The following KRT3 variants were observed in gnomAD, a reference collection of about 807,000 sequenced individuals.
KRT3 encodes keratin, type II cytoskeletal 3.
In KRT3, 34 loss-of-function variants were observed where a neutral mutation model predicts 45.8. The observed-to-expected ratio is 0.74, with a 90% confidence interval of 0.57 to 0.99. KRT3 has a LOEUF of 0.99. Ranked by LOEUF, KRT3 falls within the 50% of genes least tolerant of loss-of-function variation. KRT3 has a pLI of 0.00. For synonymous variants in KRT3, 367 were observed against 329.0 expected, an observed-to-expected ratio of 1.12 and a Z score of -1.25; for missense variants, 828 against 820.6, an observed-to-expected ratio of 1.01 and a Z score of -0.11.
At position 52,795,674 on chromosome 12, in the gene KRT3, A is replaced by ACCAGCT. The variant is rs753369040; in HGVS notation, c.363_368dup (p.Ala122_Gly123dup). On this transcript the variant is annotated inframe_insertion, in exon 1 of 9. Coordinates refer to ENST00000417996, the MANE Select transcript of KRT3 (RefSeq NM_057088.3). ...CAAAGCCACCAGCCCCTCCAAAGCCACCAGCTCCACCAAAGCCACCTCCCA... is the reference window on the plus strand; with the variant it reads ...CAAAGCCACCAGCCCCTCCAAAGCCACCAGCTCCAGCTCCACCAAAGCCACCTCCCA... 4 of 1,607,458 alleles carry ACCAGCT rather than the reference A, an allele frequency of 2.5e-6. No homozygotes were observed. The highest frequency in any genetic ancestry group is 3.4e-6 in the Non-Finnish European group (4 of 1,177,982).
chr12:52,793,289 G>A, intron 2 of KRT3, 66 bp from the exon 3 acceptor site: 1 of 1,131,556 alleles, frequency 8.8e-7, no homozygotes, highest in African/African-American at 1.5e-5. Flanking sequence ...ATTGTTCCCT[G>A]GAACTCTGAA....
At chr12:52,794,649 A>G (rs1179347650) in intron 1 of KRT3, among the ~76,000 whole-genome samples, 1 of 152,172 alleles carries the variant, frequency 6.6e-6, no homozygotes, top group Non-Finnish European at 1.5e-5. Context: ...AGTACACTCT[A>G]CAAAAATGCA....
intron 4 of KRT3, 138 bp downstream of exon 4, chr12:52,792,573 G>A: frequency 4.2e-6 from 4 of 958,346 alleles, no homozygotes; most frequent in East Asian, 4.8e-5. Flanking sequence ...AGCTTATCCT[G>A]TGGAATCCCT....
intron 8 of KRT3, 100 bp downstream of exon 8, chr12:52,790,737 CA>C: frequency 1.8e-6 from 2 of 1,114,092 alleles, no homozygotes; most frequent in Non-Finnish European, 2.7e-6. Flanking sequence ...AAAACCCCTC[CA>C]ACTTCCGTAA....
At chr12:52,791,069 G>T in intron 7 of KRT3, 137 bp downstream of exon 7, 1 of 1,402,800 alleles carries the variant, frequency 7.1e-7, no homozygotes, top group Non-Finnish European at 9.8e-7. Context: ...GAGGGAGTGG[G>T]CTGGTAGAGG....
chr12:52,792,916 G>C (rs1939558573), intron 3 of KRT3, 110 bp from the exon 4 acceptor site: 1 of 779,782 alleles, frequency 1.3e-6, no homozygotes. Context: ...CCTTGTCTAA[G>C]ACCAGTCTCC....
Position 52,794,291 on chromosome 12 carries a change from T to G in KRT3, c.686A>C (p.Lys229Thr). ...LEQQNKVLET[K>T]WNLLQQQGTS... ...GCCCTGCTGCTGGAGCAGGTTCCACTTGGTCTCCAGGACTTTGTTCTGTTG... is the reference window on the plus strand; with the variant it reads ...GCCCTGCTGCTGGAGCAGGTTCCACGTGGTCTCCAGGACTTTGTTCTGTTG... The change falls in exon 2 of 9, where the codon AAG becomes ACG. Residue 229 changes from lysine to threonine, a missense_variant. Lys to Thr is a moderately conservative substitution (Grantham distance 78, BLOSUM62 -1). Transcript: ENST00000417996. The G allele has an allele frequency of 6.2e-7, 1 of 1,614,188 alleles. No individual in the cohort carries two copies. The highest frequency in any genetic ancestry group is 8.5e-7 in the Non-Finnish European group (1 of 1,180,034).
chr12:52,795,121 C>A (rs1354064882), intron 1 of KRT3, among the ~76,000 whole-genome samples: 1 of 152,156 alleles, frequency 6.6e-6, no homozygotes, highest in Non-Finnish European at 1.5e-5. Context: ...CAGCCTGGGC[C>A]TCAATGAGGC....
Position 52,790,172 on chromosome 12 carries a change from C to CCACCGCTGAAACCGCTGCTGT in KRT3, c.1756_1757insACAGCAGCGGTTTCAGCGGTG (p.Gly585_Gly586insAspSerSerGlyPheSerGly). On this transcript the variant is annotated inframe_insertion, in exon 9 of 9. Coordinates refer to ENST00000417996, the MANE Select transcript of KRT3 (RefSeq NM_057088.3). ...GCCAGAGATGGAGCCAAAGCCGCTG[C>CCACCGCTGAAACCGCTGCTGT]CACCGCTGAAACCGCTGCTGCCGCC... 6.5e-7 allele frequency: 1 copy of CCACCGCTGAAACCGCTGCTGT among 1,548,434 alleles called. No homozygotes were observed. Among genetic ancestry groups the CCACCGCTGAAACCGCTGCTGT allele is most frequent in the Non-Finnish European group, 8.7e-7 (1 of 1,146,838 alleles).
At chr12:52,791,853 CT>C (rs766879502) in intron 5 of KRT3, 37 bp from the exon 6 acceptor site, 9 of 1,596,178 alleles carry the variant, frequency 5.6e-6, no homozygotes, top group Non-Finnish European at 7.7e-6. Context: ...ATTCCTGCAG[CT>C]TTGCTTGACT....
At position 52,789,716 on chromosome 12, in the gene KRT3, C is replaced by A; in HGVS notation, c.*326G>T. 1 of 506,446 alleles carries A rather than the reference C, an allele frequency of 2.0e-6. No homozygotes were observed. Among genetic ancestry groups the A allele is most frequent in the South Asian group, 2.6e-5 (1 of 38,894 alleles). The allele number at this position is 506,446 out of a possible 1,614,324, so 31.4% of individuals were successfully genotyped here. A position where few individuals can be genotyped will look rare whatever the true frequency, so the allele number is the denominator to read the frequency against. ...ACAGTGCACTTTATTGGCGACAGACCGGAGGGGCGGAGGGGGCTGTGTGCT... is the reference window on the plus strand; with the variant it reads ...ACAGTGCACTTTATTGGCGACAGACAGGAGGGGCGGAGGGGGCTGTGTGCT... On this transcript the variant is annotated 3_prime_UTR_variant, in exon 9 of 9. Transcript: ENST00000417996.
chr12:52,793,015 A>G, intron 3 of KRT3, 148 bp downstream of exon 3: 1 of 679,634 alleles, frequency 1.5e-6, no homozygotes, highest in Non-Finnish European at 2.6e-6. Flanking sequence ...TCTTTTAGGG[A>G]TCTTCCAGAC....
At position 52,790,232 on chromosome 12, in the gene KRT3, C is replaced by A; in HGVS notation, c.1697G>T (p.Arg566Leu). The change falls in exon 9 of 9, where the codon CGG becomes CTG. Residue 566 changes from arginine to leucine, a missense_variant. Transcript: ENST00000417996. ...AGGGSGSGFG[R>L]GGGGGIGGGF... ...ACCGCCGATTCCACCGCCGCCTCCC[C>A]GGCCAAAGCCACTGCCTGAGCCGCC... 2 of 1,550,158 alleles carry A rather than the reference C, an allele frequency of 1.3e-6. No individual in the cohort carries two copies. Among genetic ancestry groups the A allele is most frequent in the South Asian group, 1.2e-5 (1 of 84,024 alleles).
chr12:52,789,988 G>A lies in KRT3; in HGVS notation c.*54C>T. Reference sequence around the variant, plus strand: ...CGCTGGGGGTGTTGCCAATATGGGGGCGTGGGGAGCGGAGGGGAGGCGCTG... The same window carrying A: ...CGCTGGGGGTGTTGCCAATATGGGGACGTGGGGAGCGGAGGGGAGGCGCTG... On this transcript the variant is annotated 3_prime_UTR_variant, in exon 9 of 9. Transcript: ENST00000417996. 1 of 1,500,492 alleles carries A rather than the reference G, an allele frequency of 6.7e-7. No individual in the cohort carries two copies. Among genetic ancestry groups the A allele is most frequent in the Non-Finnish European group, 9.0e-7 (1 of 1,113,428 alleles). 92.9% of individuals were successfully genotyped at this position (1,500,492 alleles called of 1,614,324 possible). A position where few individuals can be genotyped will look rare whatever the true frequency, so the allele number is the denominator to read the frequency against.
At chr12:52,792,877 A>G in intron 3 of KRT3, 71 bp from the exon 4 acceptor site, 2 of 1,009,378 alleles carry the variant, frequency 2.0e-6, no homozygotes, top group Non-Finnish European at 3.1e-6. Context: ...GCAGCAAGAA[A>G]GAGCAGAGGG....
At position 52,791,266 on chromosome 12, in the gene KRT3, T is replaced by C. The variant is rs368503459; in HGVS notation, c.1475A>G (p.Lys492Arg). The C allele has an allele frequency of 1.9e-6, 3 of 1,614,226 alleles. No individual in the cohort carries two copies. Among genetic ancestry groups the C allele is most frequent in the Non-Finnish European group, 2.5e-6 (3 of 1,180,034 alleles). Residue 492 changes from lysine to arginine, a missense_variant, in exon 7 of 9, where the codon AAG becomes AGG. Coordinates refer to ENST00000417996, the MANE Select transcript of KRT3 (RefSeq NM_057088.3). ...LRDYQELMNV[K>R]LALDVEIATY... ...GGCGATCTCCACGTCCAGGGCCAGC[T>C]TGACATTCATCAGCTCCTGGTAGTC...
Position 52,794,334 on chromosome 12 carries a change from G to T in KRT3, c.646-3C>A. 1 of 1,611,354 alleles carries T rather than the reference G, an allele frequency of 6.2e-7. No individual in the cohort carries two copies. Among genetic ancestry groups the T allele is most frequent in the South Asian group, 1.1e-5 (1 of 91,020 alleles). On this transcript the variant is annotated splice_polypyrimidine_tract_variant and splice_region_variant and intron_variant, in intron 1 of 8. Transcript: ENST00000417996. Reference sequence around the variant, plus strand: ...TTCTGTTGCTCCAGGAACCGCACCTGCAATGGTTGCAGGAAGCAACATCAG... The same window carrying T: ...TTCTGTTGCTCCAGGAACCGCACCTTCAATGGTTGCAGGAAGCAACATCAG...
At position 52,792,179 on chromosome 12, in the gene KRT3, A is replaced by C. The variant is rs1223092940; in HGVS notation, c.1188+60T>G. 3 of 1,468,734 alleles carry C rather than the reference A, an allele frequency of 2.0e-6. No homozygotes were observed. In the African/African-American group the frequency reaches 4.2e-5, roughly 20 times the overall value. 91.0% of individuals were successfully genotyped at this position (1,468,734 alleles called of 1,614,324 possible). A position where few individuals can be genotyped will look rare whatever the true frequency, so the allele number is the denominator to read the frequency against. ...CTGGGAACTCACTACCCAGCTGTCC[A>C]ATAGGCCATGGCCTCTCTGAAACCT... On this transcript the variant is annotated intron_variant, in intron 5 of 8. Coordinates refer to ENST00000417996, the MANE Select transcript of KRT3 (RefSeq NM_057088.3).
At chr12:52,792,175 G>A in intron 5 of KRT3, 64 bp downstream of exon 5, 14 of 1,423,150 alleles carry the variant, frequency 9.8e-6, no homozygotes, top group Admixed American at 1.8e-5. Context: ...CTACCCAGCT[G>A]TCCAATAGGC....
Sources: gnomAD v4.1 joint callset for allele counts (sites outside exome capture counted in the v4.1 genomes callset) on GRCh38, gnomAD v4.1.1 for gene constraint, MANE v1.5 for transcripts, NCBI Gene and HGNC (gene_info 2026-07-23, HGNC 2026-07-21) for gene names.